LILRB3: variants seen among roughly 807,000 people sequenced by gnomAD.
LILRB3 encodes the protein leukocyte immunoglobulin like receptor B3.
Under a neutral mutation model 68.2 loss-of-function variants are expected in LILRB3, and 32 were observed. The ratio of observed to expected loss-of-function variants is 0.47; its 90% CI spans 0.35 to 0.63. LILRB3 has a LOEUF of 0.63. Among genes scored for constraint, LILRB3 ranks in the 30% least tolerant of loss-of-function variants. LILRB3 has a pLI of 0.00. For synonymous variants in LILRB3, 185 were observed against 323.1 expected, an observed-to-expected ratio of 0.57 and a Z score of 4.58; for missense variants, 502 against 791.3, an observed-to-expected ratio of 0.63 and a Z score of 4.39.
intron 7 of LILRB3, chr19:54,219,466 G>A (rs1453318311): frequency 6.5e-7 from 1 of 1,545,142 alleles, no homozygotes; most frequent in Non-Finnish European, 8.8e-7. Context: ...GCAGAGCTGG[G>A]AAGGGAGCCC....
At chr19:54,219,913 G>T (rs2077926774) in intron 7 of LILRB3, 4 of 1,542,324 alleles carry the variant, frequency 2.6e-6, no homozygotes, top group African/African-American at 1.4e-5. Context: ...CTGGTCCTCA[G>T]GACCTCCTGG....
exon 13 of LILRB3, chr19:54,217,049 C>T: frequency 6.2e-7 from 1 of 1,614,068 alleles, no homozygotes; most frequent in Non-Finnish European, 8.5e-7. Flanking sequence ...TTCAGCAGTC[C>T]TGAGTCTCCT....
chr19:54,221,238 C>T (rs2078142416), exon 5 of LILRB3: 15 of 1,588,204 alleles, frequency 9.4e-6, no homozygotes, highest in South Asian at 8.9e-5. Context: ...CTGGCCAGGG[C>T]GCTGGAGGAA....
At chr19:54,218,148 G>A (rs1188010014) in intron 11 of LILRB3, among the ~76,000 whole-genome samples, 1 of 151,876 alleles carries the variant, frequency 6.6e-6, no homozygotes, top group East Asian at 1.9e-4. Flanking sequence ...CCAAACAGAG[G>A]ATGAGGAGCA....
chr19:54,219,975 G>A (rs1400567391), intron 7 of LILRB3, 180 bp downstream of exon 7: 5 of 1,285,092 alleles, frequency 3.9e-6, no homozygotes, highest in East Asian at 5.4e-5. Context: ...ACATCAGCCC[G>A]GCTCCTCCTC....
At chr19:54,221,663 G>C (rs2078190639) in intron 4 of LILRB3, 165 bp downstream of exon 4, 1 of 1,588,516 alleles carries the variant, frequency 6.3e-7, no homozygotes, top group African/African-American at 1.4e-5. Flanking sequence ...GTGGTCAAGG[G>C]CTCCTCCTCC....
intron 7 of LILRB3, chr19:54,219,612 G>C (rs540465056): frequency 7.2e-6 from 11 of 1,529,598 alleles, no homozygotes; most frequent in Non-Finnish European, 7.9e-6. Context: ...CAGGTGGGAC[G>C]GGACAGGCCC....
rs201534767 is a variant in LILRB3, at chr19:54,220,517, A to G, written c.1258+11T>C. On this transcript the variant is annotated intron_variant, in intron 6 of 12. Transcript: ENST00000445347. Reference sequence around the variant, plus strand: ...CTTTGAGCTCAGAGAGGACGGGGTCAGCGCCCTCACCTGAGACCATGAGTT... The same window carrying G: ...CTTTGAGCTCAGAGAGGACGGGGTCGGCGCCCTCACCTGAGACCATGAGTT... 138,866 of 1,320,058 alleles carry G rather than the reference A, an allele frequency of 0.11. 9,831 individuals carry two copies. Among genetic ancestry groups the G allele is most frequent in the South Asian group, 0.26 (20,536 of 78,116 alleles). The allele number at this position is 1,320,058 out of a possible 1,614,324, so 81.8% of individuals were successfully genotyped here. A position where few individuals can be genotyped will look rare whatever the true frequency, so the allele number is the denominator to read the frequency against.
At chr19:54,217,469 T>G (rs2077596122) in exon 12 of LILRB3, 1 of 1,608,010 alleles carries the variant, frequency 6.2e-7, no homozygotes, top group Non-Finnish European at 8.5e-7. Flanking sequence ...CTTCATCGTG[T>G]GGGCTCTGCT....
intron 11 of LILRB3, 118 bp downstream of exon 11, chr19:54,218,243 A>T (rs992197028): frequency 4.5e-5 from 62 of 1,382,596 alleles, no homozygotes; most frequent in Non-Finnish European, 6.1e-5. Context: ...AGCATGCTGG[A>T]CAAGGAGGGG....
At chr19:54,222,160 G>T in intron 3 of LILRB3, 30 bp from the exon 4 acceptor site, 1 of 1,609,942 alleles carries the variant, frequency 6.2e-7, no homozygotes, top group South Asian at 1.1e-5. Flanking sequence ...CGTGTTAAAT[G>T]GGGCTCCCAC....
chr19:54,222,944 A>G (rs80332440), exon 1 of LILRB3: 1 of 1,612,534 alleles, frequency 6.2e-7, no homozygotes, highest in Non-Finnish European at 8.5e-7. Flanking sequence ...AAATCTCACC[A>G]AGGCAGAGCA....
At chr19:54,222,649 C>G in intron 2 of LILRB3, 87 bp from the exon 3 acceptor site, 1 of 1,612,146 alleles carries the variant, frequency 6.2e-7, no homozygotes, top group East Asian at 2.2e-5. Flanking sequence ...TCATCCCCAT[C>G]AGTCACCCAG....
chr19:54,216,840 G>A (rs2077510549), exon 13 of LILRB3: 7 of 1,388,356 alleles, frequency 5.0e-6, no homozygotes, highest in Admixed American at 6.0e-5. Flanking sequence ...CGGCCTTTAC[G>A]TCTGTTTTTG....
Position 54,219,249 on chromosome 19 carries a change from G to C in LILRB3, c.1310-4C>G, listed in dbSNP as rs78889379. On this transcript the variant is annotated splice_region_variant and splice_polypyrimidine_tract_variant and intron_variant, in intron 7 of 12. Transcript: ENST00000445347. The stretch of plus-strand genomic sequence containing the variant: ...ACCTCCAGGTATCTTCCCAGACCTT[G>C]ACATGAGGACGTCAGGAGTGGGAAT... The C allele has an allele frequency of 0.12, 187,629 of 1,554,496 alleles. 12,969 individuals carry two copies. Among genetic ancestry groups the C allele is most frequent in the African/African-American group, 0.28 (20,266 of 72,686 alleles).
At chr19:54,218,981 G>A (rs1250110139) in intron 8 of LILRB3, 143 bp from the exon 9 acceptor site, 2 of 1,521,586 alleles carry the variant, frequency 1.3e-6, no homozygotes, top group Admixed American at 4.3e-5. Context: ...AAACTCCCAT[G>A]AATACTGAAG....
Position 54,218,682 on chromosome 19 carries a change from CCT to C in LILRB3, c.1503-2_1503-1del. 1 of 1,614,148 alleles carries C rather than the reference CCT, an allele frequency of 6.2e-7. No homozygotes were observed. Among genetic ancestry groups the C allele is most frequent in the Non-Finnish European group, 8.5e-7 (1 of 1,180,022 alleles). On this transcript the variant is annotated splice_acceptor_variant, in intron 9 of 12. Transcript: ENST00000445347. LOFTEE classifies it high-confidence loss of function. ...CCTGGACGTCAGCAGCTGGGCTGGA[CCT>C]GGAGGAGGACATGGGAGTGTGAGGG...
exon 8 of LILRB3, chr19:54,219,200 A>G: frequency 6.2e-7 from 1 of 1,603,946 alleles, no homozygotes; most frequent in East Asian, 2.2e-5. Context: ...CAGCAGGACG[A>G]AGGCCACCGA....
In LILRB3 at chr19:54,219,969, C is replaced by G. The variant is rs2077941044; in HGVS notation, c.1309+186G>C. ...GCTGGGGCTGTCTTGCCCCCCACAT[C>G]AGCCCGGCTCCTCCTCCTGGCTGGG... On this transcript the variant is annotated intron_variant, in intron 7 of 12. Transcript: ENST00000445347. 2.3e-6 allele frequency: 3 copies of G among 1,301,434 alleles called. 1 individual carries two copies. The highest frequency in any genetic ancestry group is 3.2e-6 in the Non-Finnish European group (3 of 944,302). The allele number at this position is 1,301,434 out of a possible 1,614,324, so 80.6% of individuals were successfully genotyped here.
Sources: gnomAD v4.1 joint callset for allele counts (sites outside exome capture counted in the v4.1 genomes callset) on GRCh38, gnomAD v4.1.1 for gene constraint, MANE v1.5 for transcripts, NCBI Gene and HGNC (gene_info 2026-07-23, HGNC 2026-07-21) for gene names.